GRIK1: variants seen among roughly 807,000 people sequenced by gnomAD.
GRIK1 encodes the protein glutamate ionotropic receptor kainate type subunit 1, also known as glutamate receptor ionotropic, kainate 1.
Under a neutral mutation model 105.7 loss-of-function variants are expected in GRIK1, and 69 were observed. That is an observed-to-expected ratio of 0.65 (90% CI 0.54 to 0.80). The LOEUF is 0.80. GRIK1 is among the 30% of genes least tolerant of loss of function. The pLI is 0.00. For synonymous variants in GRIK1, 438 were observed against 431.3 expected, an observed-to-expected ratio of 1.02 and a Z score of -0.19; for missense variants, 1,109 against 1,167.3, an observed-to-expected ratio of 0.95 and a Z score of 0.73.
At chr21:29,885,088 T>C (rs999879348) in intron 1 of GRIK1, among the ~76,000 whole-genome samples, 1 of 152,058 alleles carries the variant, frequency 6.6e-6, no homozygotes, top group Admixed American at 6.6e-5. Context: ...AATGGACACA[T>C]TGTAATTATG....
chr21:29,585,529 A>G (rs2091112109), intron 12 of GRIK1, among the ~76,000 whole-genome samples: 1 of 152,156 alleles, frequency 6.6e-6, no homozygotes, highest in African/African-American at 2.4e-5. Context: ...TGTTCTACTC[A>G]TCAACATCAC....
rs363473 is a variant in GRIK1, at chr21:29,591,307, A to G, written c.1252-82T>C. The G allele has an allele frequency of 3.6e-4, 301 of 837,144 alleles. 1 individual carries two copies. In the East Asian group the frequency reaches 6.3e-3, roughly 17 times the overall value. The allele number at this position is 837,144 out of a possible 1,614,324, so 51.9% of individuals were successfully genotyped here. A position where few individuals can be genotyped will look rare whatever the true frequency, so the allele number is the denominator to read the frequency against. On this transcript the variant is annotated intron_variant, in intron 9 of 17. Transcript: ENST00000327783. ...AAGAGAGGCCCCTTCTCTACCAGGA[A>G]TGGGCACAAAAGCTCACAGTTTGGG... is the stretch of plus-strand genomic sequence containing the variant.
chr21:29,820,457 C>T (rs1044691168), intron 1 of GRIK1, among the ~76,000 whole-genome samples: 1 of 152,040 alleles, frequency 6.6e-6, no homozygotes, highest in African/African-American at 2.4e-5. Flanking sequence ...TTAGAATTCT[C>T]TTTCTGATGA....
chr21:29,665,691 C>A (rs1357250237), intron 4 of GRIK1, among the ~76,000 whole-genome samples: 1 of 152,198 alleles, frequency 6.6e-6, no homozygotes, highest in East Asian at 1.9e-4. Context: ...GAAATATTAG[C>A]AAGCTTTGAT....
At chr21:29,553,455 G>A in intron 16 of GRIK1, 1 of 1,430,464 alleles carries the variant, frequency 7.0e-7, no homozygotes, top group Non-Finnish European at 9.1e-7. Flanking sequence ...AAGGAATAGA[G>A]AATTGTGGCT....
At chr21:29,676,717 G>A (rs943752396) in intron 3 of GRIK1, among the ~76,000 whole-genome samples, 9 of 152,002 alleles carry the variant, frequency 5.9e-5, no homozygotes, top group South Asian at 2.1e-4. Context: ...AAAATAAAAC[G>A]TAGGCAAGAG....
chr21:29,784,718 C>T (rs1183463752), intron 1 of GRIK1, among the ~76,000 whole-genome samples: 5 of 152,092 alleles, frequency 3.3e-5, no homozygotes, highest in Non-Finnish European at 7.4e-5. Flanking sequence ...TCCCATACAT[C>T]AAATGGATTA....
intron 1 of GRIK1, among the ~76,000 whole-genome samples, chr21:29,830,221 G>A (rs924913522): frequency 1.3e-5 from 2 of 151,968 alleles, no homozygotes; most frequent in African/African-American, 2.4e-5. Flanking sequence ...ATGTGTGTGA[G>A]AGTGTCTGTG....
chr21:29,683,082 A>G (rs993883800), intron 3 of GRIK1, among the ~76,000 whole-genome samples: 1 of 152,208 alleles, frequency 6.6e-6, no homozygotes, highest in Non-Finnish European at 1.5e-5. Context: ...ACTACAAGAC[A>G]CCATCTCACA....
At chr21:29,716,016 G>A (rs1477592971) in intron 1 of GRIK1, among the ~76,000 whole-genome samples, 1 of 152,056 alleles carries the variant, frequency 6.6e-6, no homozygotes, top group Non-Finnish European at 1.5e-5. Context: ...TTACCCCTAA[G>A]CTGTTCTCAT....
Position 29,685,939 on chromosome 21 carries a change from G to T in GRIK1, c.544+3789C>A, listed in dbSNP as rs114918163. On this transcript the variant is annotated intron_variant, in intron 3 of 17. Transcript: ENST00000327783. Reference sequence around the variant, plus strand: ...ATCTAGAAAGATTCTCTTTTCCCTTGAAGACTCTTATTTCATAGGGGCCCT... The same window carrying T: ...ATCTAGAAAGATTCTCTTTTCCCTTTAAGACTCTTATTTCATAGGGGCCCT... Among the ~76,000 whole-genome samples, 275 of 152,264 alleles carry T rather than the reference G, an allele frequency of 1.8e-3. 2 individuals carry two copies. The highest frequency in any genetic ancestry group is 6.4e-3 in the African/African-American group (267 of 41,556).
chr21:29,697,102 C>CA (rs2063718626), intron 1 of GRIK1, among the ~76,000 whole-genome samples: 1 of 152,068 alleles, frequency 6.6e-6, no homozygotes, highest in East Asian at 1.9e-4. Context: ...TCTGAATGTC[C>CA]AAAAAATGTA....
intron 7 of GRIK1, among the ~76,000 whole-genome samples, chr21:29,635,843 A>C (rs1299929100): frequency 6.6e-6 from 1 of 152,208 alleles, no homozygotes; most frequent in Non-Finnish European, 1.5e-5. Flanking sequence ...GGATGTCAAG[A>C]GGCTGAGGAA....
chr21:29,596,524 A>G lies in GRIK1; in HGVS notation c.1251+2T>C, dbSNP rs2061416810. On this transcript the variant is annotated splice_donor_variant, in intron 9 of 17. Transcript: ENST00000327783. LOFTEE classifies it high-confidence loss of function. ...TCCTGCAGTTGTTGTCAGAGTACAA[A>G]CCTTCTTCCACACTTTATACAAGTG... 1.9e-6 allele frequency: 3 copies of G among 1,602,356 alleles called. No individual in the cohort carries two copies. In the East Asian group the frequency reaches 6.7e-5, roughly 36 times the overall value.
intron 1 of GRIK1, among the ~76,000 whole-genome samples, chr21:29,838,149 C>A (rs1376889072): frequency 6.6e-6 from 1 of 152,074 alleles, no homozygotes; most frequent in East Asian, 1.9e-4. Context: ...GCATTAAAAG[C>A]TCATTGGGTC....
At chr21:29,740,916 A>G (rs2064910768) in intron 1 of GRIK1, among the ~76,000 whole-genome samples, 1 of 152,168 alleles carries the variant, frequency 6.6e-6, no homozygotes, top group African/African-American at 2.4e-5. Flanking sequence ...GAAATATTCT[A>G]CTTTCTCAAG....
intron 1 of GRIK1, among the ~76,000 whole-genome samples, chr21:29,779,086 G>A (rs938017607): frequency 2.6e-5 from 4 of 152,120 alleles, no homozygotes; most frequent in African/African-American, 7.2e-5. Context: ...CTGAGCACAG[G>A]GCAAGCTCAG....
intron 1 of GRIK1, among the ~76,000 whole-genome samples, chr21:29,902,570 G>A (rs981148584): frequency 1.3e-5 from 2 of 152,046 alleles, no homozygotes; most frequent in Non-Finnish European, 2.9e-5. Context: ...CAAATACCTA[G>A]GAATACAACT....
At position 29,588,012 on chromosome 21, in the gene GRIK1, T is replaced by C. The variant is rs944398667; in HGVS notation, c.1570-423A>G. Among the ~76,000 whole-genome samples, 4 of 137,932 alleles carry C rather than the reference T, an allele frequency of 2.9e-5. 1 individual carries two copies. In the Admixed American group the frequency reaches 3.0e-4, roughly 10 times the overall value. The allele number at this position is 137,932 out of a possible 152,430, so 90.5% of individuals were successfully genotyped here. A position where few individuals can be genotyped will look rare whatever the true frequency, so the allele number is the denominator to read the frequency against. On this transcript the variant is annotated intron_variant, in intron 11 of 17. Transcript: ENST00000327783. ...TTTTGTGAGGCGGAGTCTCACTCTG[T>C]CGCCCAGGCTAGAGTGCAGTGGTGC...
Sources: gnomAD v4.1 joint callset for allele counts (sites outside exome capture counted in the v4.1 genomes callset) on GRCh38, gnomAD v4.1.1 for gene constraint, MANE v1.5 for transcripts, NCBI Gene and HGNC (gene_info 2026-07-23, HGNC 2026-07-21) for gene names.